The following SYNE1 variants were observed in gnomAD, a reference collection of about 807,000 sequenced individuals.
SYNE1 encodes the protein nesprin-1.
SYNE1 carries 616 observed loss-of-function variants against 1,111.0 expected under a neutral mutation model. That is an observed-to-expected ratio of 0.55 (90% CI 0.52 to 0.59). The LOEUF (loss-of-function observed/expected upper bound fraction) is 0.59, where lower values mean the gene tolerates loss of function less well. Among genes scored for constraint, SYNE1 ranks in the 20% least tolerant of loss-of-function variants. SYNE1 has a pLI of 0.00. For missense variants in SYNE1, 10,006 were observed against 10,417.0 expected, an observed-to-expected ratio of 0.96 and a Z score of 1.72; for synonymous variants, 3,855 against 3,825.8, an observed-to-expected ratio of 1.01 and a Z score of -0.28.
In SYNE1 at chr6:152,202,938, G is replaced by C. The variant is rs193060869; in HGVS notation, c.23020-989C>G. Among the ~76,000 whole-genome samples, 25 of 152,328 alleles carry C rather than the reference G, an allele frequency of 1.6e-4. 1 individual carries two copies. In the East Asian group the frequency reaches 3.7e-3, roughly 22 times the overall value. Reference sequence around the variant, plus strand: ...ATGTAAATTAAGATGTAGAAGAAGAGAGATAATGCACAATTTAAGAAATCT... The same window carrying C: ...ATGTAAATTAAGATGTAGAAGAAGACAGATAATGCACAATTTAAGAAATCT... On this transcript the variant is annotated intron_variant, in intron 126 of 145. Transcript: ENST00000367255.
rs1019631406 is a variant in SYNE1, at chr6:152,362,200, C to G, written c.10269G>C (p.Arg3423=). The G allele has an allele frequency of 5.6e-6, 9 of 1,614,074 alleles. No homozygotes were observed. Among genetic ancestry groups the G allele is most frequent in the Non-Finnish European group, 5.9e-6 (7 of 1,180,054 alleles). The change falls in exon 64 of 146, where the codon CGG becomes CGC. Residue 3423 remains arginine, a synonymous_variant. Coordinates refer to ENST00000367255, the MANE Select transcript of SYNE1 (RefSeq NM_182961.4). ...CTTTTCCGAGCATCGTTGTTTTATCCCGCAGCTCCGCATGCTGCCTTTCTG... is the reference window on the plus strand; with the variant it reads ...CTTTTCCGAGCATCGTTGTTTTATCGCGCAGCTCCGCATGCTGCCTTTCTG... ...NESERQHAEL[R]DKTTMLGKAK...
rs780609904 is a variant in SYNE1, at chr6:152,608,112, G to A, written c.67+20153C>T. Among the ~76,000 whole-genome samples the A allele has an allele frequency of 2.4e-4, 36 of 151,926 alleles. 1 individual carries two copies. Among genetic ancestry groups the A allele is most frequent in the Non-Finnish European group, 2.2e-4 (15 of 67,972 alleles). On this transcript the variant is annotated intron_variant, in intron 3 of 145. Transcript: ENST00000367255. ...ACCACCATGGCACATGTATCCCTACGTAAAAACCTGCACATTCGGCACATG... is the reference window on the plus strand; with the variant it reads ...ACCACCATGGCACATGTATCCCTACATAAAAACCTGCACATTCGGCACATG...
In SYNE1 at chr6:152,198,312, C is replaced by T. The variant is rs139787752; in HGVS notation, c.23145+3512G>A. 4.3e-4 allele frequency among the ~76,000 whole-genome samples: 65 copies of T among 152,316 alleles called. No individual in the cohort carries two copies. In the East Asian group the frequency reaches 6.9e-3, roughly 16 times the overall value. Reference sequence around the variant, plus strand: ...GCCTTCACAGAATTAAAGGGAGTTACGACCTTGCTCCAGATTAGGCTTTGG... The same window carrying T: ...GCCTTCACAGAATTAAAGGGAGTTATGACCTTGCTCCAGATTAGGCTTTGG... On this transcript the variant is annotated intron_variant, in intron 127 of 145. Transcript: ENST00000367255.
chr6:152,476,860 C>T (rs1313082078), intron 14 of SYNE1, among the ~76,000 whole-genome samples: 2 of 71,078 alleles, frequency 2.8e-5, no homozygotes, highest in Non-Finnish European at 5.3e-5. Flanking sequence ...CAGAGCCAGA[C>T]CCTATCTAAA....
chr6:152,590,899 T>A (rs2099558251), intron 3 of SYNE1, among the ~76,000 whole-genome samples: 3 of 151,884 alleles, frequency 2.0e-5, no homozygotes, highest in South Asian at 2.1e-4. Context: ...AATTTTAGAA[T>A]AGTTTTTTTC....
At chr6:152,322,853 G>A (rs1419435278) in intron 82 of SYNE1, among the ~76,000 whole-genome samples, 1 of 151,998 alleles carries the variant, frequency 6.6e-6, no homozygotes, top group African/African-American at 2.4e-5. Flanking sequence ...CCCTCTCCTC[G>A]GCTGCTTGTC....
chr6:152,626,147 CT>C (rs1380865097), intron 3 of SYNE1, among the ~76,000 whole-genome samples: 1 of 152,156 alleles, frequency 6.6e-6, no homozygotes, highest in African/African-American at 2.4e-5. Context: ...CCTCTCACCC[CT>C]AACCCAATTA....
At chr6:152,221,293 T>G in intron 118 of SYNE1, 133 bp downstream of exon 118, 1 of 1,237,600 alleles carries the variant, frequency 8.1e-7, no homozygotes, top group Non-Finnish European at 1.1e-6. Flanking sequence ...ATCCTTAAAT[T>G]CATGTTGTGA....
chr6:152,236,984 C>A (rs373756803), intron 108 of SYNE1, 36 bp from the exon 109 acceptor site: 5 of 1,554,334 alleles, frequency 3.2e-6, no homozygotes, highest in Middle Eastern at 1.9e-4. Context: ...GCTAAAAAAA[C>A]CCTCATTAGC....
intron 6 of SYNE1, among the ~76,000 whole-genome samples, chr6:152,514,904 A>C (rs1393618725): frequency 6.6e-6 from 1 of 152,188 alleles, no homozygotes; most frequent in Non-Finnish European, 1.5e-5. Flanking sequence ...AAAGCGGACT[A>C]ATGCACAGCT....
At chr6:152,255,402 T>C (rs1445711774) in intron 103 of SYNE1, among the ~76,000 whole-genome samples, 189 bp downstream of exon 103, 3 of 152,216 alleles carry the variant, frequency 2.0e-5, no homozygotes, top group African/African-American at 7.2e-5. Context: ...TTCCCATTTT[T>C]CCCTCATACT....
At chr6:152,522,039 T>C (rs1454351825) in intron 5 of SYNE1, among the ~76,000 whole-genome samples, 1 of 152,042 alleles carries the variant, frequency 6.6e-6, no homozygotes, top group Non-Finnish European at 1.5e-5. Flanking sequence ...GAATTCAATT[T>C]TACCTTTTTC....
intron 91 of SYNE1, among the ~76,000 whole-genome samples, chr6:152,303,270 A>G (rs531806944): frequency 2.4e-4 from 36 of 151,888 alleles, no homozygotes; most frequent in Non-Finnish European, 4.0e-4. Flanking sequence ...CCTGGCCAAC[A>G]TGGTGAAACC....
intron 25 of SYNE1, among the ~76,000 whole-genome samples, chr6:152,453,091 C>G (rs1423154682): frequency 6.6e-6 from 1 of 152,110 alleles, no homozygotes; most frequent in Non-Finnish European, 1.5e-5. Context: ...TTACTGAACT[C>G]TTAAGCTCTT....
chr6:152,545,714 C>T (rs1184794055), intron 3 of SYNE1, among the ~76,000 whole-genome samples: 1 of 152,050 alleles, frequency 6.6e-6, no homozygotes, highest in Admixed American at 6.6e-5. Context: ...TTTATAGGAG[C>T]TTGCAATAGG....
At chr6:152,621,605 T>C (rs749999334) in intron 3 of SYNE1, among the ~76,000 whole-genome samples, 1 of 152,090 alleles carries the variant, frequency 6.6e-6, no homozygotes, top group Non-Finnish European at 1.5e-5. Flanking sequence ...TATTTAACTG[T>C]TTTCTTTTTC....
chr6:152,504,772 G>A (rs1185626219), intron 9 of SYNE1, among the ~76,000 whole-genome samples: 2 of 152,150 alleles, frequency 1.3e-5, no homozygotes, highest in Non-Finnish European at 2.9e-5. Flanking sequence ...ACAAATATTA[G>A]TCAAACATTT....
At position 152,480,732 on chromosome 6, in the gene SYNE1, CCT is replaced by C. The variant is rs756456545; in HGVS notation, c.1350+2351_1350+2352del. 6.6e-6 allele frequency: 3 copies of C among 456,132 alleles called. 1 individual carries two copies. The highest frequency in any genetic ancestry group is 4.6e-5 in the South Asian group (3 of 64,546). The allele number at this position is 456,132 out of a possible 1,614,324, so 28.3% of individuals were successfully genotyped here. A position where few individuals can be genotyped will look rare whatever the true frequency, so the allele number is the denominator to read the frequency against. ...ATTCACCTTGAACCTGGCCTGAGCC[CCT>C]GTCGCTGCTTTTTACCTTTATCTCT... On this transcript the variant is annotated intron_variant, in intron 14 of 145. Coordinates refer to ENST00000367255, the MANE Select transcript of SYNE1 (RefSeq NM_182961.4).
chr6:152,130,875 G>C, intron 144 of SYNE1, 97 bp from the exon 145 acceptor site: 1 of 1,267,200 alleles, frequency 7.9e-7, no homozygotes. Context: ...GTGCAGCAAA[G>C]GAAAAATAAA....
Sources: allele counts gnomAD v4.1 joint callset (sites outside exome capture counted in the v4.1 genomes callset), GRCh38; gene constraint gnomAD v4.1.1; transcripts MANE v1.5; gene names NCBI Gene and HGNC (gene_info 2026-07-23, HGNC 2026-07-21).